POR: variants seen among roughly 807,000 people sequenced by gnomAD.
POR encodes cytochrome p450 oxidoreductase.
Under a neutral mutation model 84.0 loss-of-function variants are expected in POR, and 56 were observed. The observed-to-expected ratio is 0.67, with a 90% CI of 0.54 to 0.83. The LOEUF (loss-of-function observed/expected upper bound fraction) is 0.83, where lower values mean the gene tolerates loss of function less well. Ranked by LOEUF, POR falls within the 40% of genes least tolerant of loss-of-function variation. POR has a pLI of 0.00. For missense variants in POR, 938 were observed against 944.3 expected (o/e 0.99, Z 0.09); for synonymous variants, 414 against 400.5 (o/e 1.03, Z -0.40).
At position 75,985,855 on chromosome 7, in the gene POR, TG is replaced by T. The variant is rs1789413833; in HGVS notation, c.1669+10del. On this transcript the variant is annotated splice_region_variant and intron_variant, in intron 13 of 15. Coordinates refer to ENST00000461988, the MANE Select transcript of POR (RefSeq NM_000941.3). ...GGCCTGGCTGCGACAGCAGGGTGAG[TG>T]GGGTCCCATGGGGGAGAGGGGGTGA... The T allele has an allele frequency of 6.5e-7, 1 of 1,548,086 alleles. No homozygotes were observed. The highest frequency in any genetic ancestry group is 8.7e-7 in the Non-Finnish European group (1 of 1,143,322).
At chr7:75,978,243 C>T (rs182045572) in intron 3 of POR, among the ~76,000 whole-genome samples, 1 of 152,224 alleles carries the variant, frequency 6.6e-6, no homozygotes, top group Non-Finnish European at 1.5e-5. Flanking sequence ...ATTGTATAGC[C>T]AGCCCTGCAT....
intron 3 of POR, among the ~76,000 whole-genome samples, chr7:75,976,174 A>G (rs1788676572): frequency 6.6e-6 from 1 of 152,102 alleles, no homozygotes; most frequent in South Asian, 2.1e-4. Context: ...ATCTTAGGTC[A>G]TCTTTTGTTC....
At chr7:75,958,436 C>T (rs1487216028) in intron 2 of POR, among the ~76,000 whole-genome samples, 1 of 151,924 alleles carries the variant, frequency 6.6e-6, no homozygotes, top group Non-Finnish European at 1.5e-5. Context: ...TATTTTTATC[C>T]TTTTTATTAA....
At chr7:75,984,124 C>T (rs1789256989) in intron 10 of POR, among the ~76,000 whole-genome samples, 1 of 152,196 alleles carries the variant, frequency 6.6e-6, no homozygotes, top group Admixed American at 6.5e-5. Flanking sequence ...GCAGAGGCAG[C>T]CCTGGCTCCC....
intron 2 of POR, among the ~76,000 whole-genome samples, chr7:75,967,227 C>T (rs188730505): frequency 2.2e-4 from 33 of 152,246 alleles, no homozygotes; most frequent in Middle Eastern, 3.4e-3. Flanking sequence ...CCACCCACCT[C>T]GGCCTCCCAA....
rs377474536 is a variant in POR, at chr7:75,951,076, CG to C, written c.-4-2912del. ...TCTGTCCCCCGGCCCCCCCCCCCCC[CG>C]AAAAAAAAAAAGTCATATCAAAAAA... On this transcript the variant is annotated intron_variant, in intron 1 of 15. Transcript: ENST00000461988. 8.4e-3 allele frequency among the ~76,000 whole-genome samples: 519 copies of C among 61,990 alleles called. 16 individuals are homozygous for C. Among genetic ancestry groups the C allele is most frequent in the Non-Finnish European group, 0.016 (430 of 27,148 alleles). 40.7% of individuals were successfully genotyped at this position (61,990 alleles called of 152,430 possible).
intron 1 of POR, among the ~76,000 whole-genome samples, chr7:75,949,411 C>T (rs915237813): frequency 1.6e-4 from 24 of 152,016 alleles, no homozygotes; most frequent in Non-Finnish European, 3.2e-4. Flanking sequence ...GCCTCGGCCT[C>T]CCAAAGTGAT....
intron 1 of POR, among the ~76,000 whole-genome samples, chr7:75,927,398 G>T (rs1554549653): frequency 6.6e-6 from 1 of 151,836 alleles, no homozygotes. Flanking sequence ...AACGCAGGAG[G>T]CTGGGCTGTC....
chr7:75,954,960 G>A (rs912701517), intron 2 of POR, among the ~76,000 whole-genome samples: 20 of 151,958 alleles, frequency 1.3e-4, no homozygotes, highest in African/African-American at 4.6e-4. Context: ...CGCCCACCTC[G>A]GCCTCCCAAA....
Position 75,986,626 on chromosome 7 carries a change from TCCTCCTC to T in POR, c.*146_*152del, listed in dbSNP as rs1181341441. On this transcript the variant is annotated 3_prime_UTR_variant, in exon 16 of 16. Coordinates refer to ENST00000461988, the MANE Select transcript of POR (RefSeq NM_000941.3). The stretch of plus-strand genomic sequence containing the variant: ...AAGACTCCTCTGGGCCTGGGGTGCA[TCCTCCTC>T]AGCCCCCAGGCCAGGTGAGGTCCAC... The T allele has an allele frequency of 3.8e-6, 4 of 1,044,966 alleles. No individual in the cohort carries two copies. Among genetic ancestry groups the T allele is most frequent in the Non-Finnish European group, 5.5e-6 (4 of 732,502 alleles). 64.7% of individuals were successfully genotyped at this position (1,044,966 alleles called of 1,614,324 possible).
At chr7:75,971,491 G>A (rs1554556132) in intron 2 of POR, among the ~76,000 whole-genome samples, 1 of 151,948 alleles carries the variant, frequency 6.6e-6, no homozygotes, top group Non-Finnish European at 1.5e-5. Flanking sequence ...CAGAAGAACG[G>A]AAAATGGGGC....
intron 2 of POR, among the ~76,000 whole-genome samples, chr7:75,969,823 G>A (rs994993274): frequency 5.9e-5 from 9 of 152,194 alleles, no homozygotes; most frequent in Admixed American, 3.3e-4. Flanking sequence ...GCTAGGCGTC[G>A]CGCTCATGGC....
chr7:75,928,137 AT>A (rs1274442964), intron 1 of POR, among the ~76,000 whole-genome samples: 11 of 151,492 alleles, frequency 7.3e-5, no homozygotes, highest in African/African-American at 2.7e-4. Context: ...ATACCAGCTA[AT>A]TTTTGTATTT....
chr7:75,925,313 G>C (rs1807060987), intron 1 of POR, among the ~76,000 whole-genome samples: 1 of 152,134 alleles, frequency 6.6e-6, no homozygotes. Flanking sequence ...TTTGAGACCA[G>C]CCTGGGCAAG....
At chr7:75,985,466 G>A (rs1789380186) in intron 12 of POR, 113 bp from the exon 13 acceptor site, 4 of 1,327,244 alleles carry the variant, frequency 3.0e-6, no homozygotes, top group Admixed American at 2.9e-5. Flanking sequence ...TGGGTGCCAG[G>A]TGGGCTGGAA....
Position 75,986,267 on chromosome 7 carries a change from G to T in POR, c.1898+26G>T, listed in dbSNP as rs12670385. The T allele has an allele frequency of 1.9e-6, 3 of 1,611,954 alleles. No homozygotes were observed. In the South Asian group the frequency reaches 3.3e-5, roughly 18 times the overall value. Reference sequence around the variant, plus strand: ...GTGAGTGAGTGGGGTCACTGGAATAGGGGGCAGGGAGGACAAGGCCCTGCC... The same window carrying T: ...GTGAGTGAGTGGGGTCACTGGAATATGGGGCAGGGAGGACAAGGCCCTGCC... On this transcript the variant is annotated intron_variant, in intron 15 of 15. Coordinates refer to ENST00000461988, the MANE Select transcript of POR (RefSeq NM_000941.3).
intron 2 of POR, among the ~76,000 whole-genome samples, chr7:75,969,512 C>A (rs554409132): frequency 1.3e-5 from 2 of 152,334 alleles, no homozygotes; most frequent in South Asian, 4.1e-4. Context: ...CCTCCCGTGC[C>A]CCCACCTGGC....
chr7:75,955,910 C>A (rs959491310), intron 2 of POR, among the ~76,000 whole-genome samples: 7 of 152,174 alleles, frequency 4.6e-5, no homozygotes, highest in African/African-American at 1.7e-4. Flanking sequence ...CAGCCTTCCC[C>A]GCCAGAACAC....
chr7:75,953,111 G>A (rs1787522989), intron 1 of POR, among the ~76,000 whole-genome samples: 1 of 152,196 alleles, frequency 6.6e-6, no homozygotes, highest in Non-Finnish European at 1.5e-5. Context: ...GCGGTTAGGA[G>A]CTGGAGACCA....
Sources: allele counts gnomAD v4.1 joint callset (sites outside exome capture counted in the v4.1 genomes callset), GRCh38; gene constraint gnomAD v4.1.1; transcripts MANE v1.5; gene names NCBI Gene and HGNC (gene_info 2026-07-23, HGNC 2026-07-21).